The following VPS13C variants were observed in gnomAD, a reference collection of about 807,000 sequenced individuals.
VPS13C encodes intermembrane lipid transfer protein VPS13C.
In VPS13C, 358 loss-of-function variants were observed where a neutral mutation model predicts 456.8. The ratio of observed to expected loss-of-function variants is 0.78; its 90% CI spans 0.72 to 0.86. The LOEUF (loss-of-function observed/expected upper bound fraction) is 0.86, where lower values mean the gene tolerates loss of function less well. Ranked by LOEUF, VPS13C falls within the 40% of genes least tolerant of loss-of-function variation. The pLI is 0.00. For missense variants in VPS13C, 4,818 were observed against 4,385.4 expected (o/e 1.10, Z -2.79); for synonymous variants, 1,578 against 1,486.7 (o/e 1.06, Z -1.41).
chr15:61,949,588 T>G lies in VPS13C; in HGVS notation c.4614A>C (p.Leu1538Phe), dbSNP rs576985491. The change falls in exon 42 of 85, where the codon TTA (leucine) becomes TTC (phenylalanine). Residue 1538 changes from leucine (L) to phenylalanine (F), a missense_variant. This residue lies in a region of VPS13C where 4,552 missense variants were observed against 4,130.6 expected (regional missense o/e 1.10). Transcript: ENST00000644861. ...KQRLKVSFAS[L>F]DLVLHLEALL... ...AAGCTTCCAAATGAAGTACTAAGTC[T>G]AAGGATGCAAATGAAACCTAAGATA... The G allele has an allele frequency of 8.8e-6, 14 of 1,597,348 alleles. No homozygotes were observed. The Admixed American group carries it at 2.2e-4, about 25-fold the overall frequency.
At chr15:61,942,134 G>C in intron 45 of VPS13C, 67 bp from the exon 46 acceptor site, 2 of 1,375,826 alleles carry the variant, frequency 1.5e-6, no homozygotes, top group African/African-American at 1.5e-5. Flanking sequence ...ACTTTAAAAA[G>C]CATTTACTTT....
intron 66 of VPS13C, among the ~76,000 whole-genome samples, chr15:61,901,325 C>T (rs200893616): frequency 0.059 from 8,977 of 152,010 alleles, 319 homozygotes; most frequent in Non-Finnish European, 0.08. Context: ...GAACAGGCAA[C>T]CTACAAAATG....
intron 78 of VPS13C, 41 bp downstream of exon 78, chr15:61,873,205 T>G (rs1236418950): frequency 1.2e-6 from 2 of 1,610,592 alleles, no homozygotes; most frequent in Non-Finnish European, 1.7e-6. Context: ...TACACTTTTT[T>G]TTAAGTTGCA....
chr15:62,008,301 G>A (rs1386472229), intron 14 of VPS13C, among the ~76,000 whole-genome samples: 1 of 151,996 alleles, frequency 6.6e-6, no homozygotes, highest in Non-Finnish European at 1.5e-5. Flanking sequence ...TTGGGAGGCT[G>A]AAGCAGGAGA....
chr15:61,917,740 C>G, intron 59 of VPS13C, 105 bp from the exon 60 acceptor site: 5 of 1,279,114 alleles, frequency 3.9e-6, no homozygotes, highest in South Asian at 1.6e-5. Context: ...GCTATTATTC[C>G]TGTTTTTACA....
chr15:61,880,519 C>G, intron 73 of VPS13C, 90 bp downstream of exon 73: 1 of 778,456 alleles, frequency 1.3e-6, no homozygotes, highest in East Asian at 2.9e-5. Flanking sequence ...ATACATGATG[C>G]AACAAATTAA....
intron 40 of VPS13C, 70 bp downstream of exon 40, chr15:61,950,875 T>A (rs1468672945): frequency 2.1e-6 from 2 of 962,840 alleles, no homozygotes; most frequent in African/African-American, 4.0e-5. Flanking sequence ...AAAATGAGAA[T>A]ATTAAATATA....
chr15:61,917,283 C>A (rs1283520324), intron 60 of VPS13C, 58 bp downstream of exon 60: 2 of 1,542,422 alleles, frequency 1.3e-6, no homozygotes, highest in Admixed American at 1.9e-5. Flanking sequence ...TACCATAAAA[C>A]AAAATCAGAA....
At chr15:62,008,525 T>C in intron 14 of VPS13C, 130 bp downstream of exon 14, 1 of 497,238 alleles carries the variant, frequency 2.0e-6, no homozygotes, top group Non-Finnish European at 3.4e-6. Context: ...TTACCATTTG[T>C]CTTTTAATAC....
Position 62,025,406 on chromosome 15 carries a change from C to G in VPS13C, c.449-1561G>C, listed in dbSNP as rs141127475. Among the ~76,000 whole-genome samples the G allele has an allele frequency of 1.5e-3, 232 of 152,138 alleles. 3 individuals are homozygous for G. The East Asian group carries it at 0.026, about 17-fold the overall frequency. On this transcript the variant is annotated intron_variant, in intron 6 of 84. Transcript: ENST00000644861. ...CACTGTGAAAGTCACTGACTCTGTT[C>G]TATTCATAAATCAAACATACATAAA...
chr15:62,052,097 T>C (rs545538819), intron 1 of VPS13C, among the ~76,000 whole-genome samples: 1 of 152,262 alleles, frequency 6.6e-6, no homozygotes, highest in African/African-American at 2.4e-5. Flanking sequence ...ACATAGAGGT[T>C]AATCCAAAAC....
rs1298064005 is a variant in VPS13C at position 61,983,941 on chromosome 15, G to A, written c.1793C>T (p.Ala598Val). Residue 598 changes from alanine (A) to valine (V), a missense_variant, in exon 20 of 85, where the codon GCT becomes GTT. Coordinates refer to ENST00000644861, the MANE Select transcript of VPS13C (RefSeq NM_020821.3). ...GGATGATGTAGTGTCACCAATTGAA[G>A]CCACAAGTGATGGCACAATATCCTG... ...RQQDIVPSLV[A>V]SIGDTTSSLL... 2 of 1,614,102 alleles carry A rather than the reference G, an allele frequency of 1.2e-6. No individual in the cohort carries two copies. Among genetic ancestry groups the A allele is most frequent in the Non-Finnish European group, 1.7e-6 (2 of 1,179,990 alleles).
At chr15:62,046,314 T>C (rs2048400646) in intron 1 of VPS13C, among the ~76,000 whole-genome samples, 1 of 152,140 alleles carries the variant, frequency 6.6e-6, no homozygotes, top group Non-Finnish European at 1.5e-5. Context: ...CAGGATATCA[T>C]CACTGTCCAG....
At position 61,854,457 on chromosome 15, in the gene VPS13C, T is replaced by G. The variant is rs781630564; in HGVS notation, c.11262A>C (p.Ter3754TyrextTer19). 1 of 1,614,068 alleles carries G rather than the reference T, an allele frequency of 6.2e-7. No individual in the cohort carries two copies. Among genetic ancestry groups the G allele is most frequent in the South Asian group, 1.1e-5 (1 of 91,078 alleles). ...CTGTTGGAGCCCCTGAGGTCTGTGA[T>G]TAAGATGGCAATTGGGGTCTGAGAA... ...VRLLRPQLPS[*>Y] Residue 3754 changes from the stop codon to tyrosine (Y), a stop_lost, in exon 85 of 85, where the codon TAA (stop) becomes TAC (tyrosine). Coordinates refer to ENST00000644861, the MANE Select transcript of VPS13C (RefSeq NM_020821.3).
At chr15:62,022,742 T>A (rs2047507192) in intron 8 of VPS13C, among the ~76,000 whole-genome samples, 1 of 151,964 alleles carries the variant, frequency 6.6e-6, no homozygotes, top group African/African-American at 2.4e-5. Context: ...TTAGAAGCAA[T>A]GAACATTTCC....
At chr15:61,958,475 CTT>C in intron 37 of VPS13C, 131 bp downstream of exon 37, 1 of 571,580 alleles carries the variant, frequency 1.7e-6, no homozygotes, top group Non-Finnish European at 3.1e-6. Context: ...TCAATAGCAT[CTT>C]GTTTGTTTAC....
chr15:61,969,605 T>C (rs901971166), intron 27 of VPS13C, among the ~76,000 whole-genome samples, 153 bp from the exon 28 acceptor site: 1 of 152,152 alleles, frequency 6.6e-6, no homozygotes, highest in South Asian at 2.1e-4. Flanking sequence ...AATTGGAAAT[T>C]ACAAAACTTA....
rs1200151416 is a variant in VPS13C at position 61,890,312 on chromosome 15, G to A, written c.9194C>T (p.Thr3065Ile). The change falls in exon 67 of 85, where the codon ACC (threonine) becomes ATC (isoleucine). Residue 3065 changes from threonine to isoleucine, a missense_variant. Transcript: ENST00000644861. ...LDGRQRVLLF[T>I]DDVALVSKAL... is the part of the protein sequence containing the mutation. Reference sequence around the variant, plus strand: ...TTTGGAAACCAAGGCAACATCATCGGTGAAAAGCAAAACTCTCTGGCGCCC... The same window carrying A: ...TTTGGAAACCAAGGCAACATCATCGATGAAAAGCAAAACTCTCTGGCGCCC... 3 of 1,613,948 alleles carry A rather than the reference G, an allele frequency of 1.9e-6. No individual in the cohort carries two copies. The highest frequency in any genetic ancestry group is 4.5e-5 in the East Asian group (2 of 44,854).
chr15:61,911,809 AG>A, intron 63 of VPS13C, 30 bp downstream of exon 63: 1 of 1,526,338 alleles, frequency 6.6e-7, no homozygotes, highest in Admixed American at 1.9e-5. Context: ...TGTATATTTT[AG>A]GAATCAGTTG....
Sources: gnomAD v4.1 joint callset for allele counts (sites outside exome capture counted in the v4.1 genomes callset) on GRCh38, gnomAD v4.1.1 for gene constraint, gnomAD v4.1.1 regional missense constraint, MANE v1.5 for transcripts, NCBI Gene and HGNC (gene_info 2026-07-23, HGNC 2026-07-21) for gene names.